Variants in IQCE observed in about 807,000 individuals in gnomAD.
IQCE encodes IQ motif containing E.
Under a neutral mutation model 96.0 loss-of-function variants are expected in IQCE, and 115 were observed. That is an observed-to-expected ratio of 1.20 (90% CI 1.03 to 1.40). The LOEUF is 1.40. Ranked by LOEUF, IQCE falls within the 40% of genes most tolerant of loss-of-function variation. IQCE has a pLI of 0.00. For missense variants in IQCE, 1,041 were observed against 909.1 expected (o/e 1.15, Z -1.87); for synonymous variants, 412 against 371.2 (o/e 1.11, Z -1.26).
At chr7:2,606,772 G>C (rs894721775) in intron 20 of IQCE, among the ~76,000 whole-genome samples, 2 of 152,210 alleles carry the variant, frequency 1.3e-5, no homozygotes, top group African/African-American at 4.8e-5. Context: ...GCCAGGAGGT[G>C]GAGGGCCATG....
At chr7:2,594,589 T>G (rs1038372238) in intron 15 of IQCE, among the ~76,000 whole-genome samples, 3 of 152,234 alleles carry the variant, frequency 2.0e-5, no homozygotes, top group African/African-American at 7.2e-5. Context: ...GGATTCTTTT[T>G]TTAGTTCTTA....
chr7:2,587,244 T>G (rs1583458816), intron 12 of IQCE, among the ~76,000 whole-genome samples: 1 of 148,236 alleles, frequency 6.7e-6, no homozygotes, highest in Non-Finnish European at 1.5e-5. Context: ...CCACGGGAGG[T>G]CTGAGTGTGT....
At chr7:2,598,788 G>A (rs188092845) in intron 17 of IQCE, 156 bp downstream of exon 17, 10 of 538,644 alleles carry the variant, frequency 1.9e-5, no homozygotes, top group South Asian at 1.6e-4. Context: ...TCATTCACAC[G>A]CTGACACCTC....
intron 1 of IQCE, among the ~76,000 whole-genome samples, chr7:2,562,484 T>C (rs1232400339): frequency 6.6e-6 from 1 of 152,070 alleles, no homozygotes; most frequent in Non-Finnish European, 1.5e-5. Context: ...TTAGAAGGGT[T>C]TGTGAAGCAT....
chr7:2,566,619 C>T (rs1424731068), intron 1 of IQCE: 1 of 173,842 alleles, frequency 5.8e-6, no homozygotes. Flanking sequence ...GCAACCACAG[C>T]CTGGCTTATT....
At chr7:2,563,616 A>C (rs944532322) in intron 1 of IQCE, among the ~76,000 whole-genome samples, 1 of 152,098 alleles carries the variant, frequency 6.6e-6, no homozygotes, top group African/African-American at 2.4e-5. Context: ...CTTTAGGTAC[A>C]TCCCATAAAT....
At chr7:2,562,376 G>C (rs1781032493) in intron 1 of IQCE, among the ~76,000 whole-genome samples, 1 of 151,788 alleles carries the variant, frequency 6.6e-6, no homozygotes, top group Non-Finnish European at 1.5e-5. Flanking sequence ...TTGGTCTGTA[G>C]TGTTCTTTTC....
At position 2,600,805 on chromosome 7, in the gene IQCE, A is replaced by G. The variant is rs779575119; in HGVS notation, c.1609-636A>G. Reference sequence around the variant, plus strand: ...GGTCATTCCGTGCCATTAAGTGCACATTGATTAACTTGGCATCAACATCTG... The same window carrying G: ...GGTCATTCCGTGCCATTAAGTGCACGTTGATTAACTTGGCATCAACATCTG... On this transcript the variant is annotated intron_variant, in intron 17 of 21. Coordinates refer to ENST00000402050, the MANE Select transcript of IQCE (RefSeq NM_152558.5). Among the ~76,000 whole-genome samples, 13 of 152,304 alleles carry G rather than the reference A, an allele frequency of 8.5e-5. No homozygotes were observed. The Middle Eastern group carries it at 0.01, about 120-fold the overall frequency.
At chr7:2,583,610 C>T (rs2128451030) in intron 9 of IQCE, 27 bp from the exon 10 acceptor site, 1 of 1,565,560 alleles carries the variant, frequency 6.4e-7, no homozygotes, top group East Asian at 2.3e-5. Context: ...TGGCACATCC[C>T]TATTAACGCT....
chr7:2,593,060 T>C lies in IQCE; in HGVS notation c.1283T>C (p.Leu428Pro). The change falls in exon 15 of 22, where the codon CTG becomes CCG. Residue 428 changes from leucine (L) to proline (P), a missense_variant. Transcript: ENST00000402050. ...VKQLLQAKAD[L>P]EKELECAREG... is the part of the protein sequence containing the mutation. ...CAGCTCCTGCAGGCGAAGGCCGACC[T>C]GGAGAAGGAGCTGGAGTGCGCGAGG... 6.2e-7 allele frequency: 1 copy of C among 1,611,214 alleles called. No homozygotes were observed.
At chr7:2,566,454 C>CG (rs1781380122) in intron 1 of IQCE, 1 of 125,216 alleles carries the variant, frequency 8.0e-6, no homozygotes, top group Non-Finnish European at 1.7e-5. Context: ...TGTTGGTTTT[C>CG]GTTTTTTTTT....
chr7:2,603,989 CT>C (rs11427354), intron 18 of IQCE, among the ~76,000 whole-genome samples: 94,704 of 125,744 alleles, frequency 0.75, 35,280 homozygotes, highest in Non-Finnish European at 0.78. Context: ...GCTTCCCTGT[CT>C]TTTTTTTTTT....
chr7:2,594,684 A>AGTCCCGGCCTGCGAT (rs1783881510), intron 15 of IQCE, among the ~76,000 whole-genome samples: 1 of 152,254 alleles, frequency 6.6e-6, no homozygotes, highest in African/African-American at 2.4e-5. Flanking sequence ...GACAACAGGA[A>AGTCCCGGCCTGCGAT]GTCCCGGCCT....
chr7:2,573,296 T>G, intron 5 of IQCE, 122 bp from the exon 6 acceptor site: 1 of 626,212 alleles, frequency 1.6e-6, no homozygotes, highest in Non-Finnish European at 2.8e-6. Flanking sequence ...TATTTTGGCT[T>G]TTTTATTTTC....
intron 18 of IQCE, among the ~76,000 whole-genome samples, chr7:2,603,227 C>A (rs986204521): frequency 4.6e-5 from 7 of 152,214 alleles, no homozygotes; most frequent in African/African-American, 9.6e-5. Context: ...TGCCCAGGCT[C>A]CCGGTCCCCA....
chr7:2,610,249 G>T lies in IQCE; in HGVS notation c.*87G>T, dbSNP rs556316058. 6.1e-6 allele frequency: 5 copies of T among 826,354 alleles called. No homozygotes were observed. The highest frequency in any genetic ancestry group is 8.5e-6 in the Non-Finnish European group (4 of 472,788). 51.2% of individuals were successfully genotyped at this position (826,354 alleles called of 1,614,324 possible). A position where few individuals can be genotyped will look rare whatever the true frequency, so the allele number is the denominator to read the frequency against. ...GGAAAGATAATTTATCGTGTTAGGA[G>T]AAGAACGATGATACCTACTTAACAC... On this transcript the variant is annotated 3_prime_UTR_variant, in exon 22 of 22. Coordinates refer to ENST00000402050, the MANE Select transcript of IQCE (RefSeq NM_152558.5).
At chr7:2,608,465 C>T (rs1784973708) in intron 21 of IQCE, among the ~76,000 whole-genome samples, 2 of 152,236 alleles carry the variant, frequency 1.3e-5, no homozygotes, top group South Asian at 2.1e-4. Flanking sequence ...AACCTAGTTT[C>T]GTCAGAGCTA....
At chr7:2,579,643 C>G (rs989001732) in intron 8 of IQCE, among the ~76,000 whole-genome samples, 3 of 151,720 alleles carry the variant, frequency 2.0e-5, no homozygotes, top group African/African-American at 7.3e-5. Flanking sequence ...TTAACAAATG[C>G]CTGTAAGTAG....
intron 17 of IQCE, among the ~76,000 whole-genome samples, chr7:2,599,879 C>T (rs1046290605): frequency 1.4e-4 from 21 of 151,804 alleles, no homozygotes; most frequent in African/African-American, 4.4e-4. Context: ...CTGCAACCTC[C>T]GCCTCCCAGG....
Sources: allele counts gnomAD v4.1 joint callset (sites outside exome capture counted in the v4.1 genomes callset), GRCh38; gene constraint gnomAD v4.1.1; transcripts MANE v1.5; gene names NCBI Gene and HGNC (gene_info 2026-07-23, HGNC 2026-07-21).